Variants in PDE4D observed in about 807,000 individuals in gnomAD.
The protein encoded by PDE4D is 3',5'-cyclic-AMP phosphodiesterase 4D.
Under a neutral mutation model 87.4 loss-of-function variants are expected in PDE4D, and 24 were observed. The observed-to-expected ratio is 0.27, with a 90% CI of 0.20 to 0.39. PDE4D has a LOEUF of 0.39. PDE4D is among the 10% of genes least tolerant of loss of function. The pLI is 1.00. For synonymous variants in PDE4D, 384 were observed against 383.2 expected (o/e 1.00, Z -0.02); for missense variants, 714 against 1,041.0 (o/e 0.69, Z 4.32).
intron 2 of PDE4D, among the ~76,000 whole-genome samples, chr5:60,093,625 T>C (rs537906042): frequency 3.9e-5 from 6 of 152,156 alleles, no homozygotes; most frequent in Admixed American, 2.0e-4. Context: ...GACTAGAGAG[T>C]AGGAAATAAG....
chr5:59,075,949 T>C (rs999363795), intron 5 of PDE4D, among the ~76,000 whole-genome samples: 2 of 152,174 alleles, frequency 1.3e-5, no homozygotes, highest in Non-Finnish European at 2.9e-5. Context: ...TCCTGTTGCT[T>C]GGCAGTCCTC....
intron 2 of PDE4D, among the ~76,000 whole-genome samples, chr5:60,046,661 G>A (rs921642275): frequency 4.6e-5 from 7 of 152,084 alleles, no homozygotes; most frequent in African/African-American, 1.4e-4. Context: ...TTATATGCTG[G>A]ATTACATTTA....
intron 1 of PDE4D, among the ~76,000 whole-genome samples, chr5:60,468,225 G>A (rs1292052631): frequency 1.4e-5 from 2 of 148,074 alleles, no homozygotes; most frequent in South Asian, 4.3e-4. Context: ...TGCAGCCTCT[G>A]CCTCCTGGGC....
chr5:59,221,207 A>G (rs967880074), intron 1 of PDE4D, among the ~76,000 whole-genome samples: 1 of 152,130 alleles, frequency 6.6e-6, no homozygotes, highest in African/African-American at 2.4e-5. Context: ...CTCTGTTTAC[A>G]CCTCTATTAT....
chr5:59,994,323 A>C (rs1345816267), intron 2 of PDE4D, among the ~76,000 whole-genome samples: 5 of 151,748 alleles, frequency 3.3e-5, no homozygotes, highest in African/African-American at 1.2e-4. Context: ...ACATATACAC[A>C]CATACAGTAT....
chr5:59,081,966 T>C (rs1445975952), intron 5 of PDE4D, among the ~76,000 whole-genome samples: 1 of 152,128 alleles, frequency 6.6e-6, no homozygotes, highest in Admixed American at 6.6e-5. Context: ...ATCTGATGGT[T>C]ATATAAGCTT....
chr5:59,317,463 T>A (rs1773964571), intron 1 of PDE4D, among the ~76,000 whole-genome samples: 2 of 152,112 alleles, frequency 1.3e-5, no homozygotes, highest in South Asian at 4.1e-4. Context: ...GCCTTTTTAT[T>A]ACAAGACCTA....
At chr5:60,131,627 C>A (rs1779591336) in intron 2 of PDE4D, among the ~76,000 whole-genome samples, 1 of 152,212 alleles carries the variant, frequency 6.6e-6, no homozygotes, top group Non-Finnish European at 1.5e-5. Flanking sequence ...AACTGACACC[C>A]AACCAACCTG....
intron 1 of PDE4D, among the ~76,000 whole-genome samples, chr5:60,380,168 A>G (rs1194276122): frequency 6.6e-6 from 1 of 152,254 alleles, no homozygotes; most frequent in African/African-American, 2.4e-5. Context: ...CGGCAGTTAT[A>G]GAGAACAGAA....
chr5:59,875,926 A>C (rs1168973522), intron 1 of PDE4D, among the ~76,000 whole-genome samples: 1 of 152,188 alleles, frequency 6.6e-6, no homozygotes, highest in Non-Finnish European at 1.5e-5. Flanking sequence ...ACATGGGCAC[A>C]TAGAGGGGAA....
At chr5:59,164,836 A>G (rs1189266198) in intron 5 of PDE4D, 2 of 152,138 alleles carry the variant, frequency 1.3e-5, no homozygotes, top group East Asian at 3.9e-4. Flanking sequence ...GGCACAGATA[A>G]TCTGAATAGG....
intron 5 of PDE4D, among the ~76,000 whole-genome samples, chr5:59,048,851 C>T (rs1028045041): frequency 1.3e-5 from 2 of 152,152 alleles, no homozygotes; most frequent in African/African-American, 4.8e-5. Context: ...CAGTCAAATT[C>T]TCATCTGTGT....
chr5:59,909,415 C>G (rs1215731520), intron 3 of PDE4D, among the ~76,000 whole-genome samples: 2 of 151,190 alleles, frequency 1.3e-5, no homozygotes, highest in African/African-American at 4.9e-5. Context: ...TCTTTTGAGA[C>G]AAAGGGGTCT....
intron 2 of PDE4D, among the ~76,000 whole-genome samples, chr5:59,991,399 G>C (rs1372788477): frequency 3.3e-5 from 5 of 152,162 alleles, no homozygotes; most frequent in Non-Finnish European, 7.3e-5. Flanking sequence ...TCCCAATGCG[G>C]AGGGTTTGAA....
intron 3 of PDE4D, among the ~76,000 whole-genome samples, chr5:59,904,148 TCTTTA>T (rs1345529806): frequency 2.6e-5 from 4 of 152,222 alleles, no homozygotes; most frequent in African/African-American, 9.6e-5. Flanking sequence ...CCCAAGTCTG[TCTTTA>T]CTTAAGATTT....
At chr5:59,298,506 A>G (rs1469445129) in intron 1 of PDE4D, among the ~76,000 whole-genome samples, 4 of 152,144 alleles carry the variant, frequency 2.6e-5, no homozygotes, top group Non-Finnish European at 5.9e-5. Flanking sequence ...AATTTCTGAA[A>G]ATTTTCAAAG....
intron 1 of PDE4D, among the ~76,000 whole-genome samples, chr5:59,856,029 T>A (rs1561772592): frequency 6.6e-6 from 1 of 152,112 alleles, no homozygotes; most frequent in Non-Finnish European, 1.5e-5. Context: ...AAAAATGAGA[T>A]GACAATCCGA....
chr5:60,443,396 C>G (rs1036204570), intron 1 of PDE4D, among the ~76,000 whole-genome samples: 5 of 151,878 alleles, frequency 3.3e-5, no homozygotes, highest in African/African-American at 7.3e-5. Flanking sequence ...TGTCTGCAAA[C>G]AAAGAAAGAG....
intron 5 of PDE4D, among the ~76,000 whole-genome samples, chr5:59,056,703 C>T (rs1024609081): frequency 2.6e-5 from 4 of 151,938 alleles, no homozygotes; most frequent in Non-Finnish European, 4.4e-5. Context: ...TGCAGTGTTT[C>T]GTTTTCTGTT....
Sources: gnomAD v4.1 joint callset for allele counts (sites outside exome capture counted in the v4.1 genomes callset) on GRCh38, gnomAD v4.1.1 for gene constraint, MANE v1.5 for transcripts, NCBI Gene and HGNC (gene_info 2026-07-23, HGNC 2026-07-21) for gene names.